The following CACNG1 variants were observed in gnomAD, a reference collection of about 807,000 sequenced individuals.
CACNG1 encodes the protein voltage-dependent calcium channel gamma-1 subunit.
In CACNG1, 21 loss-of-function variants were observed where a neutral mutation model predicts 22.0. The observed-to-expected ratio is 0.95, with a 90% confidence interval of 0.68 to 1.37. CACNG1 has a LOEUF of 1.37. CACNG1 is among the 40% of genes most tolerant of loss of function. The pLI, the probability that CACNG1 is intolerant of heterozygous loss-of-function variation, is 0.00. For synonymous variants in CACNG1, 127 were observed against 129.2 expected (o/e 0.98, Z 0.12); for missense variants, 291 against 308.6 (o/e 0.94, Z 0.43).
In CACNG1 at chr17:67,044,579, C is replaced by T. The variant is rs1008556298; in HGVS notation, c.-82C>T. ...ACTCCCAGCTCGACAACCACTGCCA[C>T]CCCCCAAGCTCGGCTTGTCACCTGC... On this transcript the variant is annotated 5_prime_UTR_variant, in exon 1 of 4. Transcript: ENST00000226021. The surrounding 1 kb of genome is among the most constrained non-coding windows in gnomAD (Gnocchi z 6.9). 1.4e-5 allele frequency: 12 copies of T among 877,624 alleles called. No individual in the cohort carries two copies. In the Admixed American group the frequency reaches 2.0e-4, roughly 15 times the overall value. The allele number at this position is 877,624 out of a possible 1,614,324, so 54.4% of individuals were successfully genotyped here.
Position 67,056,308 on chromosome 17 carries a change from C to G in CACNG1, c.*37C>G. 6.3e-7 allele frequency: 1 copy of G among 1,587,042 alleles called. No homozygotes were observed. Among genetic ancestry groups the G allele is most frequent in the Non-Finnish European group, 8.6e-7 (1 of 1,157,112 alleles). The stretch of plus-strand genomic sequence containing the variant: ...CCCTAGCGACCCTCAGGCTTCTTCC[C>G]CAGGAAGCGGGGTCTTGGCCTGGAA... On this transcript the variant is annotated 3_prime_UTR_variant, in exon 4 of 4. Transcript: ENST00000226021. The surrounding 1 kb of genome is among the most constrained non-coding windows in gnomAD (Gnocchi z 4.3).
Position 67,056,494 on chromosome 17 carries a change from G to A in CACNG1, c.*223G>A. 1 of 575,520 alleles carries A rather than the reference G, an allele frequency of 1.7e-6. No individual in the cohort carries two copies. Among genetic ancestry groups the A allele is most frequent in the South Asian group, 2.1e-5 (1 of 48,712 alleles). 35.7% of individuals were successfully genotyped at this position (575,520 alleles called of 1,614,324 possible). Reference sequence around the variant, plus strand: ...GAGTCCTAACCTGGCCACAGTTGGGGGAGGCAGAGCCAGCAGGTGGACAGG... The same window carrying A: ...GAGTCCTAACCTGGCCACAGTTGGGAGAGGCAGAGCCAGCAGGTGGACAGG... On this transcript the variant is annotated 3_prime_UTR_variant, in exon 4 of 4. Transcript: ENST00000226021. The surrounding 1 kb of genome is among the most constrained non-coding windows in gnomAD (Gnocchi z 4.3).
intron 1 of CACNG1, among the ~76,000 whole-genome samples, chr17:67,048,119 G>A (rs377030306): frequency 4.6e-5 from 7 of 152,072 alleles, no homozygotes; most frequent in African/African-American, 9.6e-5. Flanking sequence ...AACAAACAAC[G>A]GGAACAAATC....
rs1567767662 is a variant in CACNG1 at position 67,056,058 on chromosome 17, C to T, written c.456C>T (p.Leu152=). Residue 152 remains leucine (L), a synonymous_variant, in exon 4 of 4, where the codon CTC becomes CTT. Coordinates refer to ENST00000226021, the MANE Select transcript of CACNG1 (RefSeq NM_000727.4). This position sits in a 1 kb window ranked among gnomAD's most constrained non-coding sequence, Gnocchi z 4.3. ...CTCTGCCCCCAGGTCTCTGCATCCTCGTCTCGGTGGAGGTCATGCGGCAGT... is the reference window on the plus strand; with the variant it reads ...CTCTGCCCCCAGGTCTCTGCATCCTTGTCTCGGTGGAGGTCATGCGGCAGT... ...MFYAFAGLCI[L]VSVEVMRQSV... The T allele has an allele frequency of 1.4e-5, 23 of 1,611,248 alleles. No homozygotes were observed. Among genetic ancestry groups the T allele is most frequent in the Non-Finnish European group, 1.9e-5 (22 of 1,179,896 alleles).
intron 1 of CACNG1, among the ~76,000 whole-genome samples, chr17:67,047,892 T>C (rs1311166801): frequency 6.6e-6 from 1 of 152,080 alleles, no homozygotes; most frequent in African/African-American, 2.4e-5. Flanking sequence ...TGAGACTCTG[T>C]TCAAGCAGGA....
chr17:67,053,702 C>T (rs1343323533), intron 1 of CACNG1, among the ~76,000 whole-genome samples: 4 of 152,314 alleles, frequency 2.6e-5, no homozygotes, highest in East Asian at 1.9e-4. Context: ...GCCTGGGCCT[C>T]GGTTACCCTG....
chr17:67,055,913 C>A lies in CACNG1; in HGVS notation c.443-132C>A. 1 of 677,634 alleles carries A rather than the reference C, an allele frequency of 1.5e-6. No individual in the cohort carries two copies. The highest frequency in any genetic ancestry group is 2.6e-6 in the Non-Finnish European group (1 of 391,320). 42.0% of individuals were successfully genotyped at this position (677,634 alleles called of 1,614,324 possible). ...AATGGATCCTTCTGCAGGTTCCCAT[C>A]TAGAACCTGCCTTGAGGCAGCTTTT... On this transcript the variant is annotated intron_variant, in intron 3 of 3. Transcript: ENST00000226021. The surrounding 1 kb of genome is among the most constrained non-coding windows in gnomAD (Gnocchi z 4.5).
At position 67,054,779 on chromosome 17, in the gene CACNG1, G is replaced by GAC. The variant is rs544776088; in HGVS notation, c.305-316_305-315dup. ...GATGACACACAAAATGACACACAGT[G>GAC]ACACACACAGACACACACTGACACA... On this transcript the variant is annotated intron_variant, in intron 2 of 3. Transcript: ENST00000226021. This position sits in a 1 kb window ranked among gnomAD's most constrained non-coding sequence, Gnocchi z 4.6. Among the ~76,000 whole-genome samples, 1 of 149,280 alleles carries GAC rather than the reference G, an allele frequency of 6.7e-6. No individual in the cohort carries two copies. The highest frequency in any genetic ancestry group is 1.5e-5 in the Non-Finnish European group (1 of 67,384).
At position 67,056,541 on chromosome 17, in the gene CACNG1, C is replaced by A; in HGVS notation, c.*270C>A. 1.9e-6 allele frequency: 1 copy of A among 522,208 alleles called. No individual in the cohort carries two copies. The highest frequency in any genetic ancestry group is 3.5e-6 in the Non-Finnish European group (1 of 288,240). The allele number at this position is 522,208 out of a possible 1,614,324, so 32.3% of individuals were successfully genotyped here. On this transcript the variant is annotated 3_prime_UTR_variant, in exon 4 of 4. Transcript: ENST00000226021. This position sits in a 1 kb window ranked among gnomAD's most constrained non-coding sequence, Gnocchi z 4.3. ...CAGGTGTTTGCAGGGGCCCAACTTC[C>A]CCTGGAGCTCAGAGGTGTCCCCACT...
chr17:67,045,292 C>A (rs1256340008), intron 1 of CACNG1, among the ~76,000 whole-genome samples: 1 of 152,176 alleles, frequency 6.6e-6, no homozygotes. Flanking sequence ...TTGTTCCTGG[C>A]CTCAAGGCAG....
At position 67,044,651 on chromosome 17, in the gene CACNG1, G is replaced by T; in HGVS notation, c.-10G>T. 6.3e-7 allele frequency: 1 copy of T among 1,592,382 alleles called. No homozygotes were observed. On this transcript the variant is annotated 5_prime_UTR_variant, in exon 1 of 4. Transcript: ENST00000226021. This position sits in a 1 kb window ranked among gnomAD's most constrained non-coding sequence, Gnocchi z 6.9. ...ACCCTGCCCAGGGCACCCACGCCTCGGCGACCACCATGTCCCAGACCAAAA... is the reference window on the plus strand; with the variant it reads ...ACCCTGCCCAGGGCACCCACGCCTCTGCGACCACCATGTCCCAGACCAAAA...
chr17:67,056,155 G>C lies in CACNG1; in HGVS notation c.553G>C (p.Ala185Pro), dbSNP rs146687061. Residue 185 changes from alanine to proline, a missense_variant, in exon 4 of 4, where the codon GCC becomes CCC. Ala to Pro is a conservative substitution (Grantham distance 27, BLOSUM62 -1). Transcript: ENST00000226021. The surrounding 1 kb of genome is among the most constrained non-coding windows in gnomAD (Gnocchi z 4.3). ...CTATTACTCCTGGTCCTTTGCCTGC[G>C]CCTGTGCCGCCTTCATCCTCCTCTT... ...EYYYSWSFAC[A>P]CAAFILLFLG... 1.2e-6 allele frequency: 2 copies of C among 1,613,888 alleles called. No individual in the cohort carries two copies. Among genetic ancestry groups the C allele is most frequent in the Non-Finnish European group, 1.7e-6 (2 of 1,180,004 alleles).
Position 67,056,445 on chromosome 17 carries a change from T to C in CACNG1, c.*174T>C. The C allele has an allele frequency of 1.6e-6, 1 of 617,668 alleles. No homozygotes were observed. The highest frequency in any genetic ancestry group is 2.7e-5 in the East Asian group (1 of 36,376). The allele number at this position is 617,668 out of a possible 1,614,324, so 38.3% of individuals were successfully genotyped here. A position where few individuals can be genotyped will look rare whatever the true frequency, so the allele number is the denominator to read the frequency against. ...TGAGTTCCTCTGGGCTGCCGCAGGC[T>C]CCCCTGGGAATAGAGCAAGACGTGA... is the stretch of plus-strand genomic sequence containing the variant. On this transcript the variant is annotated 3_prime_UTR_variant, in exon 4 of 4. Transcript: ENST00000226021. The surrounding 1 kb of genome is among the most constrained non-coding windows in gnomAD (Gnocchi z 4.3).
chr17:67,050,683 A>T (rs529321345), intron 1 of CACNG1, among the ~76,000 whole-genome samples: 1 of 152,328 alleles, frequency 6.6e-6, no homozygotes, highest in African/African-American at 2.4e-5. Context: ...ACTCAAGTTC[A>T]GCTTGGAGCT....
In CACNG1 at chr17:67,056,644, T is replaced by A. The variant is rs1598143006; in HGVS notation, c.*373T>A. On this transcript the variant is annotated 3_prime_UTR_variant, in exon 4 of 4. Coordinates refer to ENST00000226021, the MANE Select transcript of CACNG1 (RefSeq NM_000727.4). The surrounding 1 kb of genome is among the most constrained non-coding windows in gnomAD (Gnocchi z 4.3). ...ACAACCTGTGTTTGCCAGCTGGGTG[T>A]TCCGTGTAAATAGCCAGCCTGTCTC... 4.3e-6 allele frequency: 1 copy of A among 230,444 alleles called. No homozygotes were observed. Among genetic ancestry groups the A allele is most frequent in the East Asian group, 1.1e-4 (1 of 9,400 alleles). 14.3% of individuals were successfully genotyped at this position (230,444 alleles called of 1,614,324 possible).
In CACNG1 at chr17:67,054,629, A is replaced by G. The variant is rs1199506856; in HGVS notation, c.305-474A>G. ...CAGACACACACTGACACACACAGAC[A>G]CACACAACACAGATACACACACACG... On this transcript the variant is annotated intron_variant, in intron 2 of 3. Transcript: ENST00000226021. This position sits in a 1 kb window ranked among gnomAD's most constrained non-coding sequence, Gnocchi z 4.6. Among the ~76,000 whole-genome samples, 2 of 151,964 alleles carry G rather than the reference A, an allele frequency of 1.3e-5. 1 individual carries two copies. The highest frequency in any genetic ancestry group is 2.9e-5 in the Non-Finnish European group (2 of 67,968).
chr17:67,045,050 G>C (rs562786539), intron 1 of CACNG1, among the ~76,000 whole-genome samples, 161 bp downstream of exon 1: 1 of 152,252 alleles, frequency 6.6e-6, no homozygotes, highest in Non-Finnish European at 1.5e-5. Flanking sequence ...TGCATGTGTG[G>C]TGCTGGTGGC....
In CACNG1 at chr17:67,054,107, G is replaced by A. The variant is rs200930741; in HGVS notation, c.304+37G>A. Reference sequence around the variant, plus strand: ...TGGAAAGGGGTCTGGGGTGACAAGAGGGGACTTCTGTGTTGTGCACCACTG... The same window carrying A: ...TGGAAAGGGGTCTGGGGTGACAAGAAGGGACTTCTGTGTTGTGCACCACTG... On this transcript the variant is annotated intron_variant, in intron 2 of 3. Transcript: ENST00000226021. This position sits in a 1 kb window ranked among gnomAD's most constrained non-coding sequence, Gnocchi z 4.6. The A allele has an allele frequency of 1.2e-5, 18 of 1,538,076 alleles. No individual in the cohort carries two copies. The East Asian group carries it at 3.1e-4, about 27-fold the overall frequency.
At chr17:67,050,803 C>T (rs765192114) in intron 1 of CACNG1, among the ~76,000 whole-genome samples, 12 of 152,336 alleles carry the variant, frequency 7.9e-5, no homozygotes, top group Middle Eastern at 3.4e-3. Context: ...TTCCATCCCC[C>T]AGTCAAGTCT....
Sources: gnomAD v4.1 joint callset for allele counts (sites outside exome capture counted in the v4.1 genomes callset) on GRCh38, gnomAD v4.1.1 for gene constraint, Gnocchi (gnomAD v3.1) non-coding constraint, MANE v1.5 for transcripts, NCBI Gene and HGNC (gene_info 2026-07-23, HGNC 2026-07-21) for gene names.